Variants in TRERF1 observed in about 807,000 individuals in gnomAD.
The protein encoded by TRERF1 is transcriptional-regulating factor 1.
A neutral mutation model predicts 122.9 loss-of-function variants in TRERF1; 27 were observed. The observed-to-expected ratio is 0.22, with a 90% confidence interval of 0.16 to 0.30. The LOEUF (loss-of-function observed/expected upper bound fraction) is 0.30. TRERF1 is among the 10% of genes least tolerant of loss of function. TRERF1 has a pLI of 1.00. For missense variants in TRERF1, 1,248 were observed against 1,560.3 expected, an observed-to-expected ratio of 0.80 and a Z score of 3.37; for synonymous variants, 636 against 641.7, an observed-to-expected ratio of 0.99 and a Z score of 0.13.
intron 8 of TRERF1, among the ~76,000 whole-genome samples, chr6:42,262,428 T>G (rs1338020042): frequency 1.6e-3 from 78 of 47,878 alleles, no homozygotes; most frequent in African/African-American, 6.4e-3. Context: ...ACAAATTCCC[T>G]AGGGGCAGAG....
intron 3 of TRERF1, among the ~76,000 whole-genome samples, chr6:42,310,232 G>A (rs1438050398): frequency 6.6e-6 from 1 of 152,146 alleles, no homozygotes; most frequent in African/African-American, 2.4e-5. Flanking sequence ...GCCTCCCAAA[G>A]TGCTAGGAGT....
At chr6:42,281,078 T>G (rs776698862) in intron 4 of TRERF1, among the ~76,000 whole-genome samples, 32 of 152,156 alleles carry the variant, frequency 2.1e-4, no homozygotes, top group Non-Finnish European at 4.4e-4. Context: ...CTGCCCTTTC[T>G]GGGTTTGCTC....
intron 17 of TRERF1, among the ~76,000 whole-genome samples, chr6:42,230,811 T>C (rs1770402333): frequency 6.6e-6 from 1 of 152,134 alleles, no homozygotes; most frequent in African/African-American, 2.4e-5. Flanking sequence ...CAGTTCACTT[T>C]GGTGGGTGCC....
At chr6:42,419,806 C>T (rs762414947) in intron 2 of TRERF1, among the ~76,000 whole-genome samples, 15 of 152,156 alleles carry the variant, frequency 9.9e-5, no homozygotes, top group Admixed American at 2.0e-4. Context: ...GCACTCCTGC[C>T]GTGGTGTTGA....
exon 16 of TRERF1, chr6:42,236,242 G>A (rs373985695): frequency 2.6e-5 from 41 of 1,605,880 alleles, no homozygotes; most frequent in Non-Finnish European, 3.3e-5. Flanking sequence ...GAAGGAGCCT[G>A]AGGGCTGGCC....
At chr6:42,319,812 C>CAA (rs35939756) in intron 3 of TRERF1, among the ~76,000 whole-genome samples, 40 of 114,256 alleles carry the variant, frequency 3.5e-4, no homozygotes, top group African/African-American at 1.2e-3. Context: ...GACTGTGTTT[C>CAA]AAAAAAAAAA....
intron 4 of TRERF1, among the ~76,000 whole-genome samples, chr6:42,291,186 T>C (rs1230522438): frequency 6.6e-6 from 1 of 152,186 alleles, no homozygotes; most frequent in East Asian, 1.9e-4. Flanking sequence ...GCATGATTGG[T>C]GATGAAGGGC....
At chr6:42,311,578 CATG>C (rs1396244092) in intron 3 of TRERF1, among the ~76,000 whole-genome samples, 18 of 151,954 alleles carry the variant, frequency 1.2e-4, no homozygotes, top group Non-Finnish European at 2.5e-4. Flanking sequence ...TCCTGGCTAA[CATG>C]ATGAAACCCC....
At chr6:42,409,691 C>T (rs949948524) in intron 2 of TRERF1, among the ~76,000 whole-genome samples, 1 of 152,170 alleles carries the variant, frequency 6.6e-6, no homozygotes, top group Admixed American at 6.5e-5. Context: ...CTATACCAAT[C>T]CCTCTAGTTT....
intron 8 of TRERF1, among the ~76,000 whole-genome samples, chr6:42,260,257 G>A (rs1777588118): frequency 6.6e-6 from 1 of 151,810 alleles, no homozygotes; most frequent in Non-Finnish European, 1.5e-5. Context: ...CAGCAGGGGG[G>A]GAGAGCCTTC....
chr6:42,436,814 AATAT>A (rs56057543), intron 2 of TRERF1, among the ~76,000 whole-genome samples: 809 of 66,616 alleles, frequency 0.012, 6 homozygotes, highest in East Asian at 0.036. Context: ...AAAAAAAAAA[AATAT>A]ATATATATAT....
intron 3 of TRERF1, among the ~76,000 whole-genome samples, chr6:42,345,624 A>G (rs891979015): frequency 2.6e-5 from 4 of 152,276 alleles, no homozygotes; most frequent in Admixed American, 2.6e-4. Flanking sequence ...AAATTATATT[A>G]GAATGTTCCA....
intron 3 of TRERF1, among the ~76,000 whole-genome samples, chr6:42,327,830 G>A (rs891115296): frequency 6.6e-6 from 1 of 152,050 alleles, no homozygotes; most frequent in Non-Finnish European, 1.5e-5. Context: ...TCCTGGAGCT[G>A]GGGAACAGCA....
At chr6:42,264,982 C>T (rs1778899927) in intron 6 of TRERF1, 128 bp from the exon 7 acceptor site, 1 of 995,266 alleles carries the variant, frequency 1.0e-6, no homozygotes, top group Admixed American at 2.4e-5. Context: ...GTCCATGGCA[C>T]CACTTGTATC....
chr6:42,421,728 C>T (rs954808088), intron 2 of TRERF1, among the ~76,000 whole-genome samples: 4 of 151,612 alleles, frequency 2.6e-5, no homozygotes, highest in Admixed American at 6.6e-5. Context: ...AAACTGAGAT[C>T]GTGCAGTTAC....
At chr6:42,262,467 G>A (rs371373709) in intron 8 of TRERF1, among the ~76,000 whole-genome samples, 216 of 2,140 alleles carry the variant, frequency 0.1, 1 homozygote, top group East Asian at 0.23. Context: ...AGAGAGAGAG[G>A]AGAGAGAGAG....
chr6:42,246,142 A>G (rs1227377626), intron 14 of TRERF1, among the ~76,000 whole-genome samples: 1 of 152,172 alleles, frequency 6.6e-6, no homozygotes, highest in Non-Finnish European at 1.5e-5. Flanking sequence ...TAAATTATGT[A>G]AATTGTGGAC....
At chr6:42,242,465 T>G (rs1000298216) in intron 15 of TRERF1, among the ~76,000 whole-genome samples, 1 of 152,242 alleles carries the variant, frequency 6.6e-6, no homozygotes, top group Non-Finnish European at 1.5e-5. Context: ...AGTTTAGTAA[T>G]GTCAGACATA....
intron 3 of TRERF1, among the ~76,000 whole-genome samples, chr6:42,313,726 A>G (rs1762049970): frequency 6.6e-6 from 1 of 152,162 alleles, no homozygotes; most frequent in South Asian, 2.1e-4. Flanking sequence ...AGGGTTGGCC[A>G]GGTCTCTGAA....
Sources: gnomAD v4.1 joint callset for allele counts (sites outside exome capture counted in the v4.1 genomes callset) on GRCh38, gnomAD v4.1.1 for gene constraint, MANE v1.5 for transcripts, NCBI Gene and HGNC (gene_info 2026-07-23, HGNC 2026-07-21) for gene names.